The following SNTB2 variants were observed in gnomAD, a reference collection of about 807,000 sequenced individuals.
The protein encoded by SNTB2 is beta-2-syntrophin.
In SNTB2, 34 loss-of-function variants were observed where a neutral mutation model predicts 46.2. That is an observed-to-expected ratio of 0.74 (90% CI 0.56 to 0.98). The LOEUF (loss-of-function observed/expected upper bound fraction) is 0.98. SNTB2 is among the 50% of genes least tolerant of loss of function. The pLI, the probability that SNTB2 is intolerant of heterozygous loss-of-function variation, is 0.00. For synonymous variants in SNTB2, 290 were observed against 312.6 expected (o/e 0.93, Z 0.76); for missense variants, 603 against 731.4 (o/e 0.82, Z 2.02).
At chr16:69,187,773 G>A (rs747257386) in intron 1 of SNTB2, 27 bp downstream of exon 1, 15 of 331,838 alleles carry the variant, frequency 4.5e-5, no homozygotes, top group South Asian at 1.2e-4. Flanking sequence ...GGGAGGGTGG[G>A]CAGGCCGCGG....
chr16:69,285,105 G>T (rs892014891), intron 5 of SNTB2, among the ~76,000 whole-genome samples: 10 of 152,168 alleles, frequency 6.6e-5, no homozygotes, highest in Admixed American at 6.5e-4. Context: ...ATCTTATGAT[G>T]CATTATGCAT....
chr16:69,241,566 C>T (rs550441280), intron 1 of SNTB2, among the ~76,000 whole-genome samples: 1 of 150,198 alleles, frequency 6.7e-6, no homozygotes, highest in Admixed American at 6.6e-5. Context: ...GTGGGCAGAT[C>T]ACTTGAGGTC....
At chr16:69,195,702 A>C (rs758701207) in intron 1 of SNTB2, among the ~76,000 whole-genome samples, 21 of 152,108 alleles carry the variant, frequency 1.4e-4, no homozygotes, top group Non-Finnish European at 2.8e-4. Context: ...TAACCCCTGT[A>C]AGAAAAACTG....
chr16:69,267,641 C>A (rs1307428276), intron 3 of SNTB2, among the ~76,000 whole-genome samples: 1 of 152,120 alleles, frequency 6.6e-6, no homozygotes, highest in Non-Finnish European at 1.5e-5. Flanking sequence ...TTGCTTTCAG[C>A]ACATGGTAGA....
At chr16:69,247,766 G>A (rs1254880604) in intron 2 of SNTB2, among the ~76,000 whole-genome samples, 1 of 152,108 alleles carries the variant, frequency 6.6e-6, no homozygotes, top group Non-Finnish European at 1.5e-5. Context: ...TACCTATAAA[G>A]GCCCTTTCAC....
chr16:69,206,852 A>AC (rs1964225206), intron 1 of SNTB2, among the ~76,000 whole-genome samples: 2 of 150,670 alleles, frequency 1.3e-5, no homozygotes, highest in Admixed American at 1.3e-4. Flanking sequence ...TGCAACCTCC[A>AC]CCTCCCAGGT....
At chr16:69,199,455 C>T (rs374976740) in intron 1 of SNTB2, among the ~76,000 whole-genome samples, 2 of 151,982 alleles carry the variant, frequency 1.3e-5, no homozygotes, top group Non-Finnish European at 2.9e-5. Flanking sequence ...GTTGGCCTGG[C>T]GCAGTGGCTC....
At chr16:69,281,250 A>G (rs568226693) in intron 4 of SNTB2, among the ~76,000 whole-genome samples, 17 of 137,878 alleles carry the variant, frequency 1.2e-4, no homozygotes, top group Middle Eastern at 3.8e-3. Flanking sequence ...TTTTTTTTTG[A>G]GACGAAGTCT....
At chr16:69,260,764 C>T (rs72795259) in intron 3 of SNTB2, among the ~76,000 whole-genome samples, 3 of 152,280 alleles carry the variant, frequency 2.0e-5, no homozygotes, top group Non-Finnish European at 4.4e-5. Flanking sequence ...CCCTTGTTCC[C>T]TACTGGAAGA....
At chr16:69,202,318 A>G (rs543839119) in intron 1 of SNTB2, among the ~76,000 whole-genome samples, 55 of 152,044 alleles carry the variant, frequency 3.6e-4, no homozygotes, top group Non-Finnish European at 6.5e-4. Context: ...TTGAACAAAC[A>G]TACATTCTTA....
At chr16:69,282,271 G>A (rs1965056993) in intron 4 of SNTB2, among the ~76,000 whole-genome samples, 1 of 149,336 alleles carries the variant, frequency 6.7e-6, no homozygotes, top group Non-Finnish European at 1.5e-5. Context: ...GACCAGCCTG[G>A]CTAACATGGT....
chr16:69,259,738 T>C (rs1269140641), intron 2 of SNTB2, among the ~76,000 whole-genome samples: 1 of 151,052 alleles, frequency 6.6e-6, no homozygotes, highest in Non-Finnish European at 1.5e-5. Context: ...GCTTCCTGAG[T>C]AGCTGGGATT....
At chr16:69,199,364 C>T (rs536596188) in intron 1 of SNTB2, among the ~76,000 whole-genome samples, 8 of 152,002 alleles carry the variant, frequency 5.3e-5, no homozygotes, top group East Asian at 1.9e-4. Context: ...GCAGATAAAT[C>T]GGCTTTTGCT....
chr16:69,242,988 T>C (rs1043219144), intron 1 of SNTB2, among the ~76,000 whole-genome samples: 1 of 136,484 alleles, frequency 7.3e-6, no homozygotes, highest in African/African-American at 2.8e-5. Flanking sequence ...GCCACTGCAC[T>C]CCAGCCTGGG....
At chr16:69,212,558 C>T (rs1267243841) in intron 1 of SNTB2, among the ~76,000 whole-genome samples, 7 of 152,012 alleles carry the variant, frequency 4.6e-5, no homozygotes, top group Non-Finnish European at 1.0e-4. Context: ...AGGATGGTCT[C>T]GATCTCTTGA....
chr16:69,263,942 C>A (rs1486961837), intron 3 of SNTB2, among the ~76,000 whole-genome samples: 2 of 150,922 alleles, frequency 1.3e-5, no homozygotes, highest in Middle Eastern at 3.2e-3. Flanking sequence ...AATCTCGGCT[C>A]ACTGCAAGCT....
intron 1 of SNTB2, among the ~76,000 whole-genome samples, chr16:69,209,071 A>G (rs1039746160): frequency 2.6e-5 from 4 of 152,038 alleles, no homozygotes; most frequent in Non-Finnish European, 5.9e-5. Flanking sequence ...TCCGCCTCCC[A>G]GGTTCAGGCC....
At chr16:69,245,519 T>C (rs954354093) in intron 1 of SNTB2, 83 bp from the exon 2 acceptor site, 12 of 1,303,582 alleles carry the variant, frequency 9.2e-6, no homozygotes, top group African/African-American at 7.3e-5. Flanking sequence ...GTTATAGATA[T>C]AGCATGTATG....
chr16:69,235,867 ACTGTT>A, intron 1 of SNTB2: 2 of 1,288,516 alleles, frequency 1.6e-6, no homozygotes, highest in Non-Finnish European at 2.0e-6. Flanking sequence ...CACTTCTACA[ACTGTT>A]CTTGGAGTTG....
Sources: gnomAD v4.1 joint callset for allele counts (sites outside exome capture counted in the v4.1 genomes callset) on GRCh38, gnomAD v4.1.1 for gene constraint, MANE v1.5 for transcripts, NCBI Gene and HGNC (gene_info 2026-07-23, HGNC 2026-07-21) for gene names.